Variants in KCNIP4 observed in about 807,000 individuals in gnomAD.
KCNIP4 encodes the protein potassium voltage-gated channel interacting protein 4.
Under a neutral mutation model 34.0 loss-of-function variants are expected in KCNIP4, and 12 were observed. The ratio of observed to expected loss-of-function variants is 0.35; its 90% confidence interval spans 0.23 to 0.57. KCNIP4 has a LOEUF of 0.57. Ranked by LOEUF, KCNIP4 falls within the 20% of genes least tolerant of loss-of-function variation. KCNIP4 has a pLI of 0.83. For synonymous variants in KCNIP4, 124 were observed against 102.2 expected (o/e 1.21, Z -1.29); for missense variants, 238 against 311.7 (o/e 0.76, Z 1.78).
intron 3 of KCNIP4, among the ~76,000 whole-genome samples, chr4:20,813,537 G>C (rs1251394788): frequency 6.6e-6 from 1 of 152,086 alleles, no homozygotes; most frequent in African/African-American, 2.4e-5. Context: ...GTTTTTGTGA[G>C]GGTAAAATGG....
At chr4:20,880,788 A>G (rs1724598761) in intron 2 of KCNIP4, among the ~76,000 whole-genome samples, 2 of 152,214 alleles carry the variant, frequency 1.3e-5, no homozygotes, top group South Asian at 4.1e-4. Flanking sequence ...AATAGTGGCA[A>G]TAAAAGTGCC....
chr4:21,435,994 T>A (rs1726912479), intron 1 of KCNIP4, among the ~76,000 whole-genome samples: 1 of 152,158 alleles, frequency 6.6e-6, no homozygotes, highest in Non-Finnish European at 1.5e-5. Context: ...AACAGCGAGC[T>A]CCCAGATCGT....
intron 1 of KCNIP4, among the ~76,000 whole-genome samples, chr4:21,431,849 T>C (rs1726480091): frequency 6.7e-6 from 1 of 149,232 alleles, no homozygotes; most frequent in South Asian, 2.1e-4. Context: ...GGGAACATTT[T>C]AGGAAAAAAA....
At chr4:20,949,898 A>G (rs1038634621) in intron 1 of KCNIP4, among the ~76,000 whole-genome samples, 1 of 149,564 alleles carries the variant, frequency 6.7e-6, no homozygotes, top group South Asian at 2.1e-4. Flanking sequence ...TGGGAGATAT[A>G]CCTAATGCTA....
At chr4:21,655,292 C>A (rs77702818) in intron 1 of KCNIP4, among the ~76,000 whole-genome samples, 1,878 of 152,122 alleles carry the variant, frequency 0.012, 25 homozygotes, top group Non-Finnish European at 0.019. Context: ...AATAGATAAT[C>A]TGCAATGCAA....
At chr4:20,937,014 C>T (rs1041084135) in intron 1 of KCNIP4, among the ~76,000 whole-genome samples, 2 of 151,764 alleles carry the variant, frequency 1.3e-5, no homozygotes, top group African/African-American at 2.4e-5. Flanking sequence ...TCTTGGTGTC[C>T]GTTCTACTCT....
chr4:21,882,015 A>G (rs1726488651), intron 1 of KCNIP4, among the ~76,000 whole-genome samples: 2 of 152,180 alleles, frequency 1.3e-5, no homozygotes, highest in African/African-American at 2.4e-5. Flanking sequence ...GCTGGTTCCA[A>G]TCAAAGGAAA....
In KCNIP4 at chr4:21,813,285, T is replaced by C. The variant is rs553266329; in HGVS notation, c.61+135286A>G. Among the ~76,000 whole-genome samples the C allele has an allele frequency of 2.6e-5, 4 of 152,300 alleles. No individual in the cohort carries two copies. In the East Asian group the frequency reaches 7.7e-4, roughly 29 times the overall value. ...TTCTGTCTTGCAAAATCCCTAGCTA[T>C]CTGGTTGAAAGGAGAAAAAATGTAT... On this transcript the variant is annotated intron_variant, in intron 1 of 8. Coordinates refer to ENST00000382152, the MANE Select transcript of KCNIP4 (RefSeq NM_025221.6).
intron 1 of KCNIP4, among the ~76,000 whole-genome samples, chr4:21,418,330 T>C (rs1725150666): frequency 6.6e-6 from 1 of 152,012 alleles, no homozygotes; most frequent in Non-Finnish European, 1.5e-5. Flanking sequence ...TATTGTACCA[T>C]TAAAAAAGGA....
rs571444428 is a variant in KCNIP4, at chr4:21,935,259, T to C, written c.61+13312A>G. Among the ~76,000 whole-genome samples, 5 of 152,220 alleles carry C rather than the reference T, an allele frequency of 3.3e-5. No individual in the cohort carries two copies. The East Asian group carries it at 7.7e-4, about 24-fold the overall frequency. On this transcript the variant is annotated intron_variant, in intron 1 of 8. Transcript: ENST00000382152. ...AACTTTGATGACTTCTCAATGACCT[T>C]TCCACCTGGAAACTCTCCCTTCTTT...
At chr4:21,051,278 T>C (rs1686399639) in intron 1 of KCNIP4, among the ~76,000 whole-genome samples, 1 of 152,186 alleles carries the variant, frequency 6.6e-6, no homozygotes, top group Admixed American at 6.5e-5. Context: ...TACATTTAAG[T>C]TTTGATAGAT....
intron 1 of KCNIP4, among the ~76,000 whole-genome samples, chr4:21,297,235 G>A (rs1381822952): frequency 1.3e-5 from 2 of 151,692 alleles, no homozygotes; most frequent in East Asian, 1.9e-4. Flanking sequence ...TAGGACCTTG[G>A]CCTTCCAAAA....
chr4:20,738,188 A>G (rs1750161526), intron 5 of KCNIP4, among the ~76,000 whole-genome samples: 1 of 152,172 alleles, frequency 6.6e-6, no homozygotes, highest in Non-Finnish European at 1.5e-5. Flanking sequence ...ATTGCAGAAC[A>G]TAGAGCCTTA....
intron 1 of KCNIP4, among the ~76,000 whole-genome samples, chr4:21,730,497 C>T (rs1224427694): frequency 1.3e-5 from 2 of 151,948 alleles, no homozygotes; most frequent in Non-Finnish European, 2.9e-5. Flanking sequence ...TGGCAAAGCA[C>T]AAAATCATGC....
intron 3 of KCNIP4, among the ~76,000 whole-genome samples, chr4:20,773,534 C>G (rs1015876356): frequency 1.3e-5 from 2 of 152,158 alleles, no homozygotes; most frequent in African/African-American, 4.8e-5. Flanking sequence ...GGAGCTCAGA[C>G]GGCGCTCAGC....
chr4:21,233,981 A>G lies in KCNIP4; in HGVS notation c.62-351272T>C, dbSNP rs955169270. Among the ~76,000 whole-genome samples, 36 of 137,592 alleles carry G rather than the reference A, an allele frequency of 2.6e-4. 1 individual carries two copies. Among genetic ancestry groups the G allele is most frequent in the African/African-American group, 9.4e-4 (35 of 37,124 alleles). The allele number at this position is 137,592 out of a possible 152,430, so 90.3% of individuals were successfully genotyped here. ...ATATAACATATATTATATAACATATATAACATATAACATGTATAATATATA... is the reference window on the plus strand; with the variant it reads ...ATATAACATATATTATATAACATATGTAACATATAACATGTATAATATATA... On this transcript the variant is annotated intron_variant, in intron 1 of 8. Transcript: ENST00000382152.
At chr4:20,931,168 C>T (rs1024005421) in intron 1 of KCNIP4, among the ~76,000 whole-genome samples, 18 of 141,564 alleles carry the variant, frequency 1.3e-4, no homozygotes, top group Non-Finnish European at 2.6e-4. Context: ...TGTATAAAGA[C>T]AATGTGGTAC....
At chr4:20,776,681 A>C (rs978224341) in intron 3 of KCNIP4, among the ~76,000 whole-genome samples, 26 of 152,080 alleles carry the variant, frequency 1.7e-4, no homozygotes, top group African/African-American at 5.6e-4. Context: ...TTCTACCATA[A>C]TTATGTTTTA....
intron 1 of KCNIP4, among the ~76,000 whole-genome samples, chr4:21,520,909 G>C (rs1735465644): frequency 1.3e-5 from 2 of 152,076 alleles, no homozygotes; most frequent in African/African-American, 4.8e-5. Context: ...AAAGATACCG[G>C]AGCATTCTTA....
Sources: allele counts gnomAD v4.1 joint callset (sites outside exome capture counted in the v4.1 genomes callset), GRCh38; gene constraint gnomAD v4.1.1; transcripts MANE v1.5; gene names NCBI Gene and HGNC (gene_info 2026-07-23, HGNC 2026-07-21).